Variants in SEC23IP observed in about 807,000 individuals in gnomAD.
The protein encoded by SEC23IP is SEC23 interacting protein.
SEC23IP carries 70 observed loss-of-function variants against 113.4 expected under a neutral mutation model. That is an observed-to-expected ratio of 0.62 (90% CI 0.51 to 0.75). The LOEUF is 0.75. Ranked by LOEUF, SEC23IP falls within the 30% of genes least tolerant of loss-of-function variation. The pLI, the probability that SEC23IP is intolerant of heterozygous loss-of-function variation, is 0.00. For synonymous variants in SEC23IP, 398 were observed against 421.0 expected (o/e 0.95, Z 0.67); for missense variants, 1,160 against 1,204.9 (o/e 0.96, Z 0.55).
In SEC23IP at chr10:119,898,385, T is replaced by TA. The variant is rs767595509; in HGVS notation, c.164-41dup. On this transcript the variant is annotated intron_variant, in intron 1 of 18. Coordinates refer to ENST00000369075, the MANE Select transcript of SEC23IP (RefSeq NM_007190.4). ...TTATAGAATCGTATCTGCGGAGTGA[T>TA]AGAGTACCCTTTAAACCACATGCTC... is the stretch of plus-strand genomic sequence containing the variant. 7 of 1,559,574 alleles carry TA rather than the reference T, an allele frequency of 4.5e-6. No individual in the cohort carries two copies. The African/African-American group carries it at 5.4e-5, about 12-fold the overall frequency.
chr10:119,941,629 A>G lies in SEC23IP; in HGVS notation c.*1064A>G, dbSNP rs576886264. ...ATTTTGCATTGTTTACATAGTTCTC[A>G]TGGAACATGGAAATTTTTGAAAGTG... On this transcript the variant is annotated 3_prime_UTR_variant, in exon 19 of 19. Coordinates refer to ENST00000369075, the MANE Select transcript of SEC23IP (RefSeq NM_007190.4). 2.0e-5 allele frequency: 3 copies of G among 152,788 alleles called. No individual in the cohort carries two copies. Among genetic ancestry groups the G allele is most frequent in the South Asian group, 4.1e-4 (2 of 4,828 alleles). 9.5% of individuals were successfully genotyped at this position (152,788 alleles called of 1,614,324 possible).
chr10:119,943,357 G>A lies in SEC23IP; in HGVS notation c.*2792G>A, dbSNP rs952425060. On this transcript the variant is annotated 3_prime_UTR_variant, in exon 19 of 19. Transcript: ENST00000369075. ...TGTTGACTGTCCCTGCGGTGCACGG[G>A]ACAGACTGTCAGCTAACCTGTCTTC... 1 of 152,178 alleles carries A rather than the reference G, an allele frequency of 6.6e-6. No individual in the cohort carries two copies. Among genetic ancestry groups the A allele is most frequent in the East Asian group, 1.9e-4 (1 of 5,190 alleles). 9.4% of individuals were successfully genotyped at this position (152,178 alleles called of 1,614,324 possible). A position where few individuals can be genotyped will look rare whatever the true frequency, so the allele number is the denominator to read the frequency against.
Position 119,929,607 on chromosome 10 carries a change from G to T in SEC23IP, c.2314G>T (p.Val772Phe). 6.2e-7 allele frequency: 1 copy of T among 1,603,872 alleles called. No individual in the cohort carries two copies. The highest frequency in any genetic ancestry group is 1.1e-5 in the South Asian group (1 of 89,444). Residue 772 changes from valine to phenylalanine, a missense_variant and splice_region_variant, in exon 14 of 19, where the codon GTT becomes TTT. Coordinates refer to ENST00000369075, the MANE Select transcript of SEC23IP (RefSeq NM_007190.4). Reference sequence around the variant, plus strand: ...TTCATTGTTATTTGATTCTTTCCAGGTTTCTGTTGCTTACAACTCATTAGA... The same window carrying T: ...TTCATTGTTATTTGATTCTTTCCAGTTTTCTGTTGCTTACAACTCATTAGA... ...YESFEVGAGQ[V>F]SVAYNSLDFE...
At chr10:119,933,847 A>G in intron 18 of SEC23IP, 60 bp downstream of exon 18, 2 of 832,094 alleles carry the variant, frequency 2.4e-6, no homozygotes, top group East Asian at 2.7e-5. Context: ...AATCTGTTGT[A>G]TGGAGTTGAT....
At chr10:119,915,424 T>C (rs2134488653) in intron 7 of SEC23IP, among the ~76,000 whole-genome samples, 2 of 152,192 alleles carry the variant, frequency 1.3e-5, no homozygotes, top group South Asian at 4.1e-4. Flanking sequence ...CTTATCACAG[T>C]CAGTAGGGCC....
At chr10:119,912,381 C>T (rs1854892476) in intron 6 of SEC23IP, among the ~76,000 whole-genome samples, 1 of 152,162 alleles carries the variant, frequency 6.6e-6, no homozygotes, top group Admixed American at 6.5e-5. Flanking sequence ...TATTTGCCTG[C>T]CTCGGCCTCC....
At chr10:119,926,980 G>C (rs1372634555) in intron 13 of SEC23IP, among the ~76,000 whole-genome samples, 1 of 152,154 alleles carries the variant, frequency 6.6e-6, no homozygotes, top group Non-Finnish European at 1.5e-5. Context: ...TCAAAACAAG[G>C]GTTTAGGGTT....
rs1564907101 is a variant in SEC23IP, at chr10:119,903,087, C to T, written c.907+78C>T. ...AGATCATTTATTCATGATCTATTTT[C>T]TGTGAATGTCAAATACCTTAATCCT... On this transcript the variant is annotated intron_variant, in intron 3 of 18. Coordinates refer to ENST00000369075, the MANE Select transcript of SEC23IP (RefSeq NM_007190.4). 6.6e-5 allele frequency: 78 copies of T among 1,184,376 alleles called. 1 individual carries two copies. Among genetic ancestry groups the T allele is most frequent in the Non-Finnish European group, 9.2e-5 (76 of 827,118 alleles). 73.4% of individuals were successfully genotyped at this position (1,184,376 alleles called of 1,614,324 possible).
At position 119,942,989 on chromosome 10, in the gene SEC23IP, A is replaced by G. The variant is rs1856002026; in HGVS notation, c.*2424A>G. On this transcript the variant is annotated 3_prime_UTR_variant, in exon 19 of 19. Transcript: ENST00000369075. ...TGGCAGGGATGATCATGTATTTGAA[A>G]TAGTAACTCACAGCATTTGGTCTCA... 6.6e-6 allele frequency: 1 copy of G among 152,214 alleles called. No individual in the cohort carries two copies. Among genetic ancestry groups the G allele is most frequent in the Non-Finnish European group, 1.5e-5 (1 of 68,044 alleles). 9.4% of individuals were successfully genotyped at this position (152,214 alleles called of 1,614,324 possible).
At position 119,898,773 on chromosome 10, in the gene SEC23IP, C is replaced by G. The variant is rs374827304; in HGVS notation, c.510C>G (p.Asn170Lys). ...PSSLPPSYFG[N>K]QPQGIPQPGY... ...GTCTCCCTCCTTCATATTTTGGGAA[C>G]CAACCCCAAGGAATTCCCCAACCAG... The change falls in exon 2 of 19, where the codon AAC becomes AAG. Residue 170 changes from asparagine (N) to lysine (K), a missense_variant. Coordinates refer to ENST00000369075, the MANE Select transcript of SEC23IP (RefSeq NM_007190.4). 1.2e-6 allele frequency: 2 copies of G among 1,614,062 alleles called. No homozygotes were observed. The highest frequency in any genetic ancestry group is 1.7e-5 in the Admixed American group (1 of 60,000).
chr10:119,912,013 A>G, intron 5 of SEC23IP, 31 bp from the exon 6 acceptor site: 1 of 1,611,806 alleles, frequency 6.2e-7, no homozygotes, highest in Non-Finnish European at 8.5e-7. Context: ...TTTGTTAATG[A>G]GCTTTGTCAT....
rs770395338 is a variant in SEC23IP, at chr10:119,898,959, G to A, written c.696G>A (p.Pro232=). Residue 232 remains proline (P), a splice_region_variant and synonymous_variant, in exon 2 of 19, where the codon CCG becomes CCA. Transcript: ENST00000369075. The stretch of plus-strand genomic sequence containing the variant: ...AGATGCCTCCAGGATCTTTGCCACC[G>A]GTATGGAGACATGATTTTGTGTCCT... ...MYQMPPGSLP[P]VPSSVQSPAQ... is the part of the protein sequence containing the mutation. 7 of 1,556,106 alleles carry A rather than the reference G, an allele frequency of 4.5e-6. No homozygotes were observed. The highest frequency in any genetic ancestry group is 4.5e-5 in the East Asian group (2 of 44,378).
chr10:119,937,110 C>T (rs1013048424), intron 18 of SEC23IP, among the ~76,000 whole-genome samples: 13 of 151,316 alleles, frequency 8.6e-5, no homozygotes, highest in Non-Finnish European at 1.6e-4. Context: ...CTCCTGACCT[C>T]GTGATCCGCC....
At chr10:119,904,033 T>C (rs1354906707) in intron 3 of SEC23IP, 51 bp from the exon 4 acceptor site, 3 of 1,583,920 alleles carry the variant, frequency 1.9e-6, no homozygotes, top group African/African-American at 2.7e-5. Context: ...TATTTATTAT[T>C]TTACAATATG....
Position 119,904,177 on chromosome 10 carries a change from A to G in SEC23IP, c.1001A>G (p.Glu334Gly). ...YDRIRKAAYW[E>G]EEPAEVRRCT... ...CGAATAAGGAAGGCTGCCTACTGGG[A>G]AGAGGAGCCAGCCGAAGTGAGACGC... Residue 334 changes from glutamate to glycine, a missense_variant, in exon 4 of 19, where the codon GAA becomes GGA. By Grantham distance (98) the Glu-to-Gly change is moderately conservative (BLOSUM62 -2). Transcript: ENST00000369075. 1 of 1,614,208 alleles carries G rather than the reference A, an allele frequency of 6.2e-7. No individual in the cohort carries two copies. The highest frequency in any genetic ancestry group is 8.5e-7 in the Non-Finnish European group (1 of 1,180,032).
intron 18 of SEC23IP, among the ~76,000 whole-genome samples, chr10:119,934,330 C>T (rs796281233): frequency 9.2e-5 from 14 of 152,356 alleles, no homozygotes; most frequent in African/African-American, 3.4e-4. Context: ...GAAGCAGAAG[C>T]TTGTCCAAAA....
intron 3 of SEC23IP, among the ~76,000 whole-genome samples, chr10:119,903,306 G>A (rs889501694): frequency 6.6e-6 from 1 of 152,146 alleles, no homozygotes; most frequent in African/African-American, 2.4e-5. Flanking sequence ...AGTTATGGGG[G>A]CATTTATAAA....
intron 7 of SEC23IP, among the ~76,000 whole-genome samples, chr10:119,915,272 T>G (rs1421486648): frequency 6.6e-6 from 1 of 152,242 alleles, no homozygotes; most frequent in Non-Finnish European, 1.5e-5. Context: ...CCTTGTCATT[T>G]GACCCTCACA....
chr10:119,940,429 T>C (rs996576018), intron 18 of SEC23IP, among the ~76,000 whole-genome samples, 157 bp from the exon 19 acceptor site: 4 of 151,470 alleles, frequency 2.6e-5, no homozygotes, highest in Admixed American at 6.6e-5. Flanking sequence ...CCTTGTGATC[T>C]GCCCACCTCG....
Sources: allele counts gnomAD v4.1 joint callset (sites outside exome capture counted in the v4.1 genomes callset), GRCh38; gene constraint gnomAD v4.1.1; transcripts MANE v1.5; gene names NCBI Gene and HGNC (gene_info 2026-07-23, HGNC 2026-07-21).